PCDHA11: variants seen among roughly 807,000 people sequenced by gnomAD.
The protein encoded by PCDHA11 is protocadherin alpha-11.
A neutral mutation model predicts 70.3 loss-of-function variants in PCDHA11; 61 were observed. That is an observed-to-expected ratio of 0.87 (90% CI 0.71 to 1.07). The LOEUF is 1.07. PCDHA11 is among the 50% of genes least tolerant of loss of function. The pLI is 0.00. For synonymous variants in PCDHA11, 633 were observed against 555.1 expected (o/e 1.14, Z -1.97); for missense variants, 1,324 against 1,237.5 (o/e 1.07, Z -1.05).
chr5:140,967,986 C>A, intron 1 of PCDHA11: 1 of 1,614,226 alleles, frequency 6.2e-7, no homozygotes, highest in Non-Finnish European at 8.5e-7. Flanking sequence ...CTGGAGGCCA[C>A]ACTGCCTTTC....
intron 1 of PCDHA11, chr5:140,967,711 G>C (rs557842321): frequency 6.2e-7 from 1 of 1,614,168 alleles, no homozygotes; most frequent in East Asian, 2.2e-5. Context: ...CCAGTACCGG[G>C]GAAGTGCGAG....
intron 1 of PCDHA11, among the ~76,000 whole-genome samples, chr5:140,937,911 CAAAA>C (rs200797202): frequency 8.5e-6 from 1 of 117,894 alleles, no homozygotes; most frequent in Non-Finnish European, 1.9e-5. Context: ...GACTCCGTCT[CAAAA>C]AAAAAAAAAA....
At chr5:140,911,339 A>G (rs2075428336) in intron 1 of PCDHA11, among the ~76,000 whole-genome samples, 1 of 152,042 alleles carries the variant, frequency 6.6e-6, no homozygotes, top group Non-Finnish European at 1.5e-5. Flanking sequence ...TTTCCAATCA[A>G]TGCCCTCATT....
At chr5:140,968,909 G>A (rs782304408) in intron 1 of PCDHA11, 7 of 1,614,172 alleles carry the variant, frequency 4.3e-6, no homozygotes, top group Non-Finnish European at 5.1e-6. Context: ...ATTAAGCACA[G>A]TGTCTTTTAT....
chr5:140,901,263 G>A (rs967047702), intron 1 of PCDHA11, among the ~76,000 whole-genome samples: 1 of 151,938 alleles, frequency 6.6e-6, no homozygotes, highest in Admixed American at 6.6e-5. Flanking sequence ...GTGATTGTGG[G>A]GTATTACTCA....
In PCDHA11 at chr5:140,870,475, G is replaced by A. The variant is rs1554164304; in HGVS notation, c.1372G>A (p.Glu458Lys). The change falls in exon 1 of 4, where the codon GAG (glutamate) becomes AAG (lysine). Residue 458 changes from glutamate to lysine, a missense_variant. Transcript: ENST00000398640. The stretch of plus-strand genomic sequence containing the variant: ...CAATGCGCCTGCGTTCGCACAGCCC[G>A]AGTACACCGTGTTCGTGAAGGAGAA... ...NDNAPAFAQP[E>K]YTVFVKENNP... The A allele has an allele frequency of 1.2e-6, 2 of 1,614,096 alleles. No individual in the cohort carries two copies. The highest frequency in any genetic ancestry group is 1.7e-5 in the Admixed American group (1 of 60,010).
chr5:140,930,329 A>C (rs868965676), intron 1 of PCDHA11: 1 of 152,198 alleles, frequency 6.6e-6, no homozygotes, highest in African/African-American at 2.4e-5. Context: ...AATGTATCTA[A>C]TGAAAGTTAA....
chr5:140,928,288 C>G, intron 1 of PCDHA11: 2 of 1,614,156 alleles, frequency 1.2e-6, no homozygotes, highest in Non-Finnish European at 1.7e-6. Flanking sequence ...CTCTCTAGGC[C>G]GAGTGTTTGC....
At chr5:140,937,067 T>C (rs2091302961) in intron 1 of PCDHA11, among the ~76,000 whole-genome samples, 1 of 148,650 alleles carries the variant, frequency 6.7e-6, no homozygotes, top group South Asian at 2.1e-4. Flanking sequence ...AGACGGAGTC[T>C]CGCTCTGTCG....
At chr5:140,935,363 C>T (rs1005942314) in intron 1 of PCDHA11, among the ~76,000 whole-genome samples, 3 of 152,180 alleles carry the variant, frequency 2.0e-5, no homozygotes, top group African/African-American at 7.2e-5. Flanking sequence ...TTTTCATTAA[C>T]GTCAACAGAA....
intron 1 of PCDHA11, 142 bp from the exon 2 acceptor site, chr5:140,978,807 A>T (rs1489269679): frequency 6.7e-7 from 1 of 1,494,726 alleles, no homozygotes; most frequent in Non-Finnish European, 8.9e-7. Context: ...AGATATCATC[A>T]TAGAGTTACA....
chr5:140,966,788 C>A, intron 1 of PCDHA11: 1 of 1,527,436 alleles, frequency 6.5e-7, no homozygotes, highest in African/African-American at 1.4e-5. Flanking sequence ...GGGCACCAGA[C>A]CTGCGGCGAC....
At chr5:140,937,402 CACA>C (rs1329840101) in intron 1 of PCDHA11, among the ~76,000 whole-genome samples, 1 of 152,034 alleles carries the variant, frequency 6.6e-6, no homozygotes, top group African/African-American at 2.4e-5. Flanking sequence ...AGGGGTATTG[CACA>C]ACTTTTATTA....
In PCDHA11 at chr5:140,871,350, C is replaced by T. The variant is rs782168219; in HGVS notation, c.2247C>T (p.Tyr749=). ...CCCGCGCGGTGGGGAGCTGGTCATA[C>T]TCGCAGCAGAGGCGGCAGAGGGTGT... is the stretch of plus-strand genomic sequence containing the variant. The part of the protein sequence containing the change: ...VCSRAVGSWS[Y]SQQRRQRVCS... The change falls in exon 1 of 4, where the codon TAC becomes TAT. Residue 749 remains tyrosine, a synonymous_variant. Coordinates refer to ENST00000398640, the MANE Select transcript of PCDHA11 (RefSeq NM_018902.5). The T allele has an allele frequency of 5.6e-6, 9 of 1,614,194 alleles. No individual in the cohort carries two copies. Among genetic ancestry groups the T allele is most frequent in the Non-Finnish European group, 7.6e-6 (9 of 1,180,022 alleles).
chr5:140,892,212 T>C (rs1554185117), intron 1 of PCDHA11, among the ~76,000 whole-genome samples: 5 of 152,236 alleles, frequency 3.3e-5, no homozygotes, highest in Admixed American at 2.6e-4. Context: ...TTTAAAATTG[T>C]ATCTTTATGG....
chr5:140,913,100 A>G (rs2076204390), intron 1 of PCDHA11, among the ~76,000 whole-genome samples: 1 of 152,186 alleles, frequency 6.6e-6, no homozygotes, highest in Non-Finnish European at 1.5e-5. Flanking sequence ...TACTGGCCTC[A>G]TAGAATCAGT....
intron 3 of PCDHA11, among the ~76,000 whole-genome samples, chr5:140,987,826 G>T (rs1481540038): frequency 6.6e-6 from 1 of 152,014 alleles, no homozygotes; most frequent in Non-Finnish European, 1.5e-5. Flanking sequence ...TTTCCTTAGG[G>T]GATTGCTTTT....
In PCDHA11 at chr5:141,009,880, C is replaced by G; in HGVS notation, c.2793C>G (p.Asn931Lys). The G allele has an allele frequency of 6.2e-7, 1 of 1,613,788 alleles. No individual in the cohort carries two copies. The highest frequency in any genetic ancestry group is 1.1e-5 in the South Asian group (1 of 91,042). The change falls in exon 4 of 4, where the codon AAC (asparagine) becomes AAG (lysine). Residue 931 changes from asparagine to lysine, a missense_variant. By Grantham distance (94) the Asn-to-Lys change is moderately conservative. Transcript: ENST00000398640. ...TKKKKKKKKGNKTQEKKEKGN... is the reference protein window; with the variant it reads ...TKKKKKKKKGKKTQEKKEKGN... ...AAAAGAAGAAAAAGAAGAAGGGTAA[C>G]AAGACCCAGGAGAAAAAAGAGAAAG...
At position 140,871,935 on chromosome 5, in the gene PCDHA11, T is replaced by C. The variant is rs373740331; in HGVS notation, c.2391+441T>C. The stretch of plus-strand genomic sequence containing the variant: ...GATATTTCCACATTGTTAGATCAAC[T>C]GGCTTTGTTTTTCTAAAGGGAGGAG... On this transcript the variant is annotated intron_variant, in intron 1 of 3. Coordinates refer to ENST00000398640, the MANE Select transcript of PCDHA11 (RefSeq NM_018902.5). Among the ~76,000 whole-genome samples, 4 of 152,380 alleles carry C rather than the reference T, an allele frequency of 2.6e-5. No individual in the cohort carries two copies. The East Asian group carries it at 7.7e-4, about 29-fold the overall frequency.
Sources: allele counts gnomAD v4.1 joint callset (sites outside exome capture counted in the v4.1 genomes callset), GRCh38; gene constraint gnomAD v4.1.1; transcripts MANE v1.5; gene names NCBI Gene and HGNC (gene_info 2026-07-23, HGNC 2026-07-21).